The following MAF variants were observed in gnomAD, a reference collection of about 807,000 sequenced individuals.
MAF encodes the protein transcription factor Maf.
MAF carries 10 observed loss-of-function variants against 22.0 expected under a neutral mutation model. The observed-to-expected ratio is 0.45, with a 90% CI of 0.28 to 0.77. The LOEUF (loss-of-function observed/expected upper bound fraction) is 0.77, where lower values mean the gene tolerates loss of function less well. Ranked by LOEUF, MAF falls within the 30% of genes least tolerant of loss-of-function variation. The pLI is 0.12. For missense variants in MAF, 544 were observed against 548.4 expected, an observed-to-expected ratio of 0.99 and a Z score of 0.08; for synonymous variants, 337 against 255.8, an observed-to-expected ratio of 1.32 and a Z score of -3.03.
At chr16:79,594,889 C>T in intron 1 of MAF, 1 of 1,203,244 alleles carries the variant, frequency 8.3e-7, no homozygotes, top group East Asian at 3.8e-5. Flanking sequence ...CCCAAACCTG[C>T]TTATTATATT....
the MAF span, among the ~76,000 whole-genome samples, chr16:79,318,623 G>A: frequency 1.3e-5 from 2 of 152,140 alleles, no homozygotes; most frequent in African/African-American, 4.8e-5. Flanking sequence ...GTTCTGGGAA[G>A]GAGTAAATTA....
chr16:79,231,940 A>G, the MAF span, among the ~76,000 whole-genome samples: 1 of 152,066 alleles, frequency 6.6e-6, no homozygotes, highest in East Asian at 1.9e-4. Flanking sequence ...GTGACAGATC[A>G]TCATGCATTA....
chr16:79,586,802 C>A (rs528780925), intron 1 of MAF, among the ~76,000 whole-genome samples: 3 of 152,110 alleles, frequency 2.0e-5, no homozygotes, highest in Non-Finnish European at 4.4e-5. Flanking sequence ...TATAGAAGTT[C>A]GGACTGTCAA....
At chr16:79,559,216 T>C in the MAF span, among the ~76,000 whole-genome samples, 1 of 152,046 alleles carries the variant, frequency 6.6e-6, no homozygotes, top group Non-Finnish European at 1.5e-5. Flanking sequence ...TTCCAGCAAA[T>C]GATGGTTTGT....
At chr16:79,464,420 C>T in the MAF span, among the ~76,000 whole-genome samples, 4,252 of 152,206 alleles carry the variant, frequency 0.028, 90 homozygotes, top group Non-Finnish European at 0.048. Flanking sequence ...ATATGATGGG[C>T]TGTCCAAAGA....
the MAF span, among the ~76,000 whole-genome samples, chr16:79,484,763 G>A: frequency 6.6e-6 from 1 of 152,322 alleles, no homozygotes; most frequent in Non-Finnish European, 1.5e-5. Flanking sequence ...GGAGCAGCTG[G>A]CAGCTGCGGA....
At chr16:79,434,291 C>CA in the MAF span, among the ~76,000 whole-genome samples, 1 of 152,234 alleles carries the variant, frequency 6.6e-6, no homozygotes, top group Non-Finnish European at 1.5e-5. Context: ...CACACATACA[C>CA]ACACACGGTG....
chr16:79,440,209 G>A, the MAF span, among the ~76,000 whole-genome samples: 1 of 152,194 alleles, frequency 6.6e-6, no homozygotes, highest in Non-Finnish European at 1.5e-5. Context: ...CAGAAAAGGG[G>A]GCTCTTGCTG....
At chr16:79,246,498 G>T in the MAF span, among the ~76,000 whole-genome samples, 1 of 130,134 alleles carries the variant, frequency 7.7e-6, no homozygotes, top group South Asian at 2.3e-4. Context: ...CAAAATTTGA[G>T]TTCCCTTTGA....
chr16:79,284,613 G>A, the MAF span, among the ~76,000 whole-genome samples: 103 of 152,262 alleles, frequency 6.8e-4, no homozygotes, highest in African/African-American at 2.2e-3. Flanking sequence ...TATAATCATC[G>A]ATAATAATAA....
At chr16:79,257,282 T>G in the MAF span, among the ~76,000 whole-genome samples, 1 of 152,202 alleles carries the variant, frequency 6.6e-6, no homozygotes, top group African/African-American at 2.4e-5. Context: ...TATGTCAGTT[T>G]CCTGGTCTTG....
the MAF span, among the ~76,000 whole-genome samples, chr16:79,467,935 G>T: frequency 1.3e-5 from 2 of 150,912 alleles, no homozygotes; most frequent in African/African-American, 4.9e-5. Context: ...GGGGGTGGTG[G>T]TCGTGGGGGG....
At chr16:79,343,137 G>A in the MAF span, among the ~76,000 whole-genome samples, 19 of 152,210 alleles carry the variant, frequency 1.2e-4, no homozygotes, top group Non-Finnish European at 1.0e-4. Context: ...AGGCATTCAC[G>A]TCCCTTCGGG....
chr16:79,236,861 C>A, the MAF span, among the ~76,000 whole-genome samples: 1 of 151,454 alleles, frequency 6.6e-6, no homozygotes, highest in Non-Finnish European at 1.5e-5. Flanking sequence ...AGGTTTACAG[C>A]CATAGGGAGC....
the MAF span, among the ~76,000 whole-genome samples, chr16:79,574,043 C>A: frequency 6.6e-6 from 1 of 152,196 alleles, no homozygotes; most frequent in Admixed American, 6.5e-5. Flanking sequence ...CTCACCGATA[C>A]AGGGCTGTGT....
the MAF span, among the ~76,000 whole-genome samples, chr16:79,528,003 C>G: frequency 2.0e-5 from 3 of 152,006 alleles, no homozygotes; most frequent in East Asian, 5.8e-4. Context: ...ATTAGCCGGG[C>G]GTGTTGGTGC....
the MAF span, among the ~76,000 whole-genome samples, chr16:79,402,243 G>A: frequency 2.6e-5 from 4 of 152,166 alleles, no homozygotes; most frequent in African/African-American, 4.8e-5. Flanking sequence ...AAGATCATGA[G>A]CATTTGCTTG....
the MAF span, among the ~76,000 whole-genome samples, chr16:79,538,190 A>G: frequency 9.8e-5 from 15 of 152,356 alleles, no homozygotes; most frequent in East Asian, 5.8e-4. Context: ...ACTATAAAAA[A>G]GAGTTCTGTC....
At chr16:79,228,336 C>A in the MAF span, among the ~76,000 whole-genome samples, 1 of 152,084 alleles carries the variant, frequency 6.6e-6, no homozygotes, top group African/African-American at 2.4e-5. Flanking sequence ...CACCCATTAA[C>A]TATCAGTCTA....
Sources: allele counts gnomAD v4.1 joint callset (sites outside exome capture counted in the v4.1 genomes callset), GRCh38; gene constraint gnomAD v4.1.1; transcripts MANE v1.5; gene names NCBI Gene and HGNC (gene_info 2026-07-23, HGNC 2026-07-21).